The following ACOT12 variants were observed in gnomAD, a reference collection of about 807,000 sequenced individuals.
The protein encoded by ACOT12 is acyl-CoA thioesterase 12.
ACOT12 carries 51 observed loss-of-function variants against 67.7 expected under a neutral mutation model. The ratio of observed to expected loss-of-function variants is 0.75; its 90% CI spans 0.60 to 0.95. The LOEUF (loss-of-function observed/expected upper bound fraction) is 0.95. ACOT12 is among the 40% of genes least tolerant of loss of function. The pLI is 0.00. For synonymous variants in ACOT12, 251 were observed against 244.6 expected (o/e 1.03, Z -0.24); for missense variants, 734 against 708.1 (o/e 1.04, Z -0.41).
At chr5:81,362,490 G>A (rs971642595) in intron 4 of ACOT12, among the ~76,000 whole-genome samples, 2 of 152,088 alleles carry the variant, frequency 1.3e-5, no homozygotes, top group Non-Finnish European at 1.5e-5. Flanking sequence ...TATTCCACAC[G>A]TCCATGAAGT....
intron 11 of ACOT12, among the ~76,000 whole-genome samples, chr5:81,339,497 G>T (rs1759121336): frequency 6.6e-6 from 1 of 152,182 alleles, no homozygotes; most frequent in African/African-American, 2.4e-5. Flanking sequence ...GGAGAACTTG[G>T]CTTAAACTAC....
chr5:81,315,840 C>A, the ACOT12 span, among the ~76,000 whole-genome samples: 4 of 152,200 alleles, frequency 2.6e-5, no homozygotes, highest in African/African-American at 9.7e-5. Flanking sequence ...CATCTCCATC[C>A]TAACACTGGC....
intron 13 of ACOT12, 27 bp downstream of exon 13, chr5:81,332,450 T>C (rs1758858181): frequency 1.2e-6 from 2 of 1,611,648 alleles, no homozygotes; most frequent in East Asian, 4.5e-5. Flanking sequence ...GAAATATTAA[T>C]AGAACACTTG....
the ACOT12 span, among the ~76,000 whole-genome samples, chr5:81,314,409 G>A: frequency 6.6e-6 from 1 of 151,988 alleles, no homozygotes; most frequent in Non-Finnish European, 1.5e-5. Context: ...GGCCTACTTT[G>A]TTTATATTTT....
downstream of ACOT12, among the ~76,000 whole-genome samples, chr5:81,327,015 CT>C (rs1056214536): frequency 5.9e-5 from 9 of 151,906 alleles, no homozygotes; most frequent in African/African-American, 7.3e-5. Context: ...CATATATTTT[CT>C]TTTTTTAACT....
intron 11 of ACOT12, among the ~76,000 whole-genome samples, chr5:81,342,166 T>A (rs1487815784): frequency 6.6e-6 from 1 of 152,152 alleles, no homozygotes. Flanking sequence ...AATTTTTAAA[T>A]TTTTTGTAGA....
chr5:81,310,784 T>C, the ACOT12 span, among the ~76,000 whole-genome samples: 2 of 152,158 alleles, frequency 1.3e-5, no homozygotes, highest in South Asian at 2.1e-4. Context: ...GAACAGTAGT[T>C]TCTAATCTGT....
At chr5:81,355,517 T>A (rs572999440) in intron 5 of ACOT12, among the ~76,000 whole-genome samples, 2 of 152,248 alleles carry the variant, frequency 1.3e-5, no homozygotes, top group African/African-American at 4.8e-5. Context: ...ATCAAAACAA[T>A]TGAACTCACA....
In ACOT12 at chr5:81,344,200, A is replaced by C. The variant is rs533220517; in HGVS notation, c.940T>G (p.Tyr314Asp). ...CGCTTGCGTGCAATAGCTCCCCGAT[A>C]GCGTCTGAAATCATCCTTTAATCAA... ...QPISKDDFRR[Y>D]RGAIARKRIR... Residue 314 changes from tyrosine to aspartate, a missense_variant, in exon 9 of 15, where the codon TAT (tyrosine) becomes GAT (aspartate). Tyr to Asp is a radical substitution (Grantham distance 160, BLOSUM62 -3). Coordinates refer to ENST00000307624, the MANE Select transcript of ACOT12 (RefSeq NM_130767.3). 2.4e-5 allele frequency: 38 copies of C among 1,613,446 alleles called. No individual in the cohort carries two copies. In the South Asian group the frequency reaches 4.2e-4, roughly 18 times the overall value.
chr5:81,384,175 A>T (rs1580595918), intron 2 of ACOT12, among the ~76,000 whole-genome samples: 2 of 129,930 alleles, frequency 1.5e-5, no homozygotes, highest in African/African-American at 6.0e-5. Context: ...AGGCTGCTGG[A>T]GTGTATTGGC....
intron 8 of ACOT12, among the ~76,000 whole-genome samples, 190 bp downstream of exon 8, chr5:81,344,701 T>C (rs1442758567): frequency 6.6e-6 from 1 of 151,938 alleles, no homozygotes; most frequent in African/African-American, 2.4e-5. Flanking sequence ...AGGGCTTCCA[T>C]CATTTGAACA....
chr5:81,328,666 G>A (rs1303177654), downstream of ACOT12, among the ~76,000 whole-genome samples: 1 of 152,210 alleles, frequency 6.6e-6, no homozygotes, highest in Non-Finnish European at 1.5e-5. Flanking sequence ...TATGCTGAAT[G>A]ATCCAAGAAA....
At chr5:81,334,664 C>G (rs553536389) in intron 12 of ACOT12, among the ~76,000 whole-genome samples, 1 of 152,358 alleles carries the variant, frequency 6.6e-6, no homozygotes, top group South Asian at 2.1e-4. Flanking sequence ...AGATGAGCCT[C>G]TATCTTGTCA....
chr5:81,393,927 A>AGCC (rs1239935027), intron 1 of ACOT12, 61 bp downstream of exon 1: 230 of 1,262,966 alleles, frequency 1.8e-4, no homozygotes, highest in Non-Finnish European at 2.2e-4. Flanking sequence ...CCCAGCCCCC[A>AGCC]GCCGCCGCCG....
At chr5:81,348,666 G>A (rs1759458576) in intron 5 of ACOT12, among the ~76,000 whole-genome samples, 2 of 152,186 alleles carry the variant, frequency 1.3e-5, no homozygotes, top group African/African-American at 4.8e-5. Context: ...CCAGGTTCAA[G>A]CAATTCTCCT....
chr5:81,355,870 T>A (rs1759695147), intron 5 of ACOT12, among the ~76,000 whole-genome samples: 1 of 152,204 alleles, frequency 6.6e-6, no homozygotes, highest in African/African-American at 2.4e-5. Context: ...AGTGAGTTCC[T>A]GCTAAATGCT....
At chr5:81,374,757 C>T (rs1760358785) in intron 2 of ACOT12, among the ~76,000 whole-genome samples, 1 of 151,852 alleles carries the variant, frequency 6.6e-6, no homozygotes, top group South Asian at 2.1e-4. Context: ...TGAAGATCAA[C>T]TTAATGAAAT....
In ACOT12 at chr5:81,375,552, A is replaced by G. The variant is rs1332252425; in HGVS notation, c.198-3742T>C. On this transcript the variant is annotated intron_variant, in intron 2 of 14. Coordinates refer to ENST00000307624, the MANE Select transcript of ACOT12 (RefSeq NM_130767.3). ...ATTAAAAGACAGACTGGCAAATTGGATAGAGTCAAGACTTATCAGTGTGCT... is the reference window on the plus strand; with the variant it reads ...ATTAAAAGACAGACTGGCAAATTGGGTAGAGTCAAGACTTATCAGTGTGCT... Among the ~76,000 whole-genome samples the G allele has an allele frequency of 2.0e-5, 3 of 152,294 alleles. No individual in the cohort carries two copies. The East Asian group carries it at 5.8e-4, about 29-fold the overall frequency.
intron 4 of ACOT12, among the ~76,000 whole-genome samples, 190 bp from the exon 5 acceptor site, chr5:81,360,228 T>C (rs1759862825): frequency 6.6e-6 from 1 of 152,208 alleles, no homozygotes; most frequent in Non-Finnish European, 1.5e-5. Flanking sequence ...AAAATCAACA[T>C]AGGCGTAATT....
Sources: allele counts gnomAD v4.1 joint callset (sites outside exome capture counted in the v4.1 genomes callset), GRCh38; gene constraint gnomAD v4.1.1; transcripts MANE v1.5; gene names NCBI Gene and HGNC (gene_info 2026-07-23, HGNC 2026-07-21).